Variants in ALKAL1 observed in about 807,000 individuals in gnomAD.
ALKAL1 encodes ALK and LTK ligand 1, also known as AUG-beta.
ALKAL1 carries 23 observed loss-of-function variants against 13.5 expected under a neutral mutation model. That is an observed-to-expected ratio of 1.70 (90% CI 1.23 to 2.41). The LOEUF (loss-of-function observed/expected upper bound fraction) is 2.41, where lower values mean the gene tolerates loss of function less well. ALKAL1 is among the 30% of genes most tolerant of loss of function. ALKAL1 has a pLI of 0.00. For missense variants in ALKAL1, 181 were observed against 178.4 expected, an observed-to-expected ratio of 1.01 and a Z score of -0.08; for synonymous variants, 85 against 77.7, an observed-to-expected ratio of 1.09 and a Z score of -0.49.
chr8:52,539,210 T>A (rs1208200368), intron 3 of ALKAL1, among the ~76,000 whole-genome samples: 3 of 152,174 alleles, frequency 2.0e-5, no homozygotes, highest in African/African-American at 7.2e-5. Flanking sequence ...TGCTTAGAAT[T>A]CATGTTCTTT....
intron 2 of ALKAL1, among the ~76,000 whole-genome samples, chr8:52,540,763 A>C (rs779387692): frequency 2.6e-5 from 4 of 151,812 alleles, no homozygotes; most frequent in African/African-American, 4.8e-5. Flanking sequence ...CAACAACAAC[A>C]ACAAAATGTT....
chr8:52,541,839 A>G (rs57023951), intron 2 of ALKAL1, among the ~76,000 whole-genome samples: 1 of 152,138 alleles, frequency 6.6e-6, no homozygotes, highest in Middle Eastern at 3.2e-3. Flanking sequence ...CAAAAAATTT[A>G]TATTGCCCCC....
At chr8:52,547,249 A>G (rs1847378822) in intron 1 of ALKAL1, among the ~76,000 whole-genome samples, 1 of 151,954 alleles carries the variant, frequency 6.6e-6, no homozygotes, top group East Asian at 1.9e-4. Context: ...CATAATTCCA[A>G]CACTTTGGGA....
intron 1 of ALKAL1, among the ~76,000 whole-genome samples, chr8:52,553,393 A>T (rs1350511600): frequency 6.6e-6 from 1 of 152,204 alleles, no homozygotes; most frequent in Non-Finnish European, 1.5e-5. Flanking sequence ...TTCACTGATT[A>T]TAAGAACTTC....
At chr8:52,546,307 G>A (rs1433144605) in intron 1 of ALKAL1, among the ~76,000 whole-genome samples, 1 of 152,214 alleles carries the variant, frequency 6.6e-6, no homozygotes, top group Non-Finnish European at 1.5e-5. Context: ...GCCAGTGGCT[G>A]CTTTTTCACT....
At chr8:52,564,949 C>T in intron 1 of ALKAL1, 118 bp downstream of exon 1, 3 of 736,986 alleles carry the variant, frequency 4.1e-6, no homozygotes, top group Non-Finnish European at 5.6e-6. Context: ...CAGAGATGCT[C>T]TGTTTTCTGC....
chr8:52,562,535 T>C (rs950396320), intron 1 of ALKAL1, among the ~76,000 whole-genome samples: 1 of 152,082 alleles, frequency 6.6e-6, no homozygotes, highest in African/African-American at 2.4e-5. Flanking sequence ...CTCTCCGCAA[T>C]CCTCGGGGCA....
chr8:52,551,956 T>C (rs1009377487), intron 1 of ALKAL1, among the ~76,000 whole-genome samples: 2 of 152,198 alleles, frequency 1.3e-5, no homozygotes, highest in Non-Finnish European at 1.5e-5. Flanking sequence ...TACATTAGTA[T>C]GGCACATTTC....
At position 52,539,871 on chromosome 8, in the gene ALKAL1, G is replaced by T; in HGVS notation, c.285C>A (p.His95Gln). The T allele has an allele frequency of 6.2e-7, 1 of 1,613,616 alleles. No individual in the cohort carries two copies. Among genetic ancestry groups the T allele is most frequent in the Non-Finnish European group, 8.5e-7 (1 of 1,179,854 alleles). The stretch of plus-strand genomic sequence containing the variant: ...ACTCCCTGGTATTGTAATAGAGTCG[G>T]TGGAAATGTTTGCTGCATTCTGGTG... The part of the protein sequence containing the change: ...TFSPECSKHF[H>Q]RLYYNTRECS... Residue 95 changes from histidine (H) to glutamine (Q), a missense_variant, in exon 3 of 5, where the codon CAC becomes CAA. By Grantham distance (24) the His-to-Gln change is conservative (BLOSUM62 0). Coordinates refer to ENST00000358543, the MANE Select transcript of ALKAL1 (RefSeq NM_207413.4).
chr8:52,559,945 A>G (rs984778100), intron 1 of ALKAL1, among the ~76,000 whole-genome samples: 10 of 152,098 alleles, frequency 6.6e-5, no homozygotes, highest in African/African-American at 1.9e-4. Flanking sequence ...TTAAAATTCA[A>G]TTTCTTCTGA....
At chr8:52,560,572 T>C (rs772901399) in intron 1 of ALKAL1, among the ~76,000 whole-genome samples, 1 of 152,154 alleles carries the variant, frequency 6.6e-6, no homozygotes, top group African/African-American at 2.4e-5. Flanking sequence ...AACCAATATG[T>C]GATTGGAAAG....
Position 52,565,181 on chromosome 8 carries a change from G to C in ALKAL1, c.76C>G (p.His26Asp), listed in dbSNP as rs759959488. ...LALALSPHGA[H>D]GRPRGRRGAR... is the part of the protein sequence containing the mutation. ...CCCCTGCGCCCCCGGGGCCTCCCGT[G>C]GGCTCCGTGCGGGGACAAAGCCAGC... is the stretch of plus-strand genomic sequence containing the variant. The change falls in exon 1 of 5, where the codon CAC becomes GAC. Residue 26 changes from histidine to aspartate, a missense_variant. Physicochemically the swap from His to Asp is moderately conservative, Grantham distance 81 (BLOSUM62 -1). Transcript: ENST00000358543. 7.3e-7 allele frequency: 1 copy of C among 1,377,836 alleles called. No homozygotes were observed. The highest frequency in any genetic ancestry group is 1.7e-5 in the South Asian group (1 of 59,674). 85.4% of individuals were successfully genotyped at this position (1,377,836 alleles called of 1,614,324 possible). A position where few individuals can be genotyped will look rare whatever the true frequency, so the allele number is the denominator to read the frequency against.
intron 1 of ALKAL1, among the ~76,000 whole-genome samples, chr8:52,559,420 G>T (rs1319898579): frequency 6.6e-6 from 1 of 152,092 alleles, no homozygotes; most frequent in Non-Finnish European, 1.5e-5. Context: ...GGGGAGGGCA[G>T]ATAGAAACCA....
intron 3 of ALKAL1, among the ~76,000 whole-genome samples, chr8:52,539,030 G>A (rs1007657310): frequency 3.3e-5 from 5 of 152,040 alleles, no homozygotes; most frequent in Non-Finnish European, 5.9e-5. Context: ...GAGCTCAAGC[G>A]ATCCGCTTGC....
intron 1 of ALKAL1, among the ~76,000 whole-genome samples, chr8:52,561,109 G>A (rs1441574137): frequency 6.6e-6 from 1 of 151,974 alleles, no homozygotes; most frequent in Non-Finnish European, 1.5e-5. Context: ...CCCCCTCCCA[G>A]GTGATATGCA....
At chr8:52,546,595 T>C (rs1210987087) in intron 1 of ALKAL1, among the ~76,000 whole-genome samples, 1 of 152,184 alleles carries the variant, frequency 6.6e-6, no homozygotes, top group Non-Finnish European at 1.5e-5. Context: ...TCCTTAAACC[T>C]TTCATAAGCA....
chr8:52,550,441 G>A (rs1487460550), intron 1 of ALKAL1, among the ~76,000 whole-genome samples: 3 of 151,638 alleles, frequency 2.0e-5, no homozygotes, highest in Non-Finnish European at 4.4e-5. Context: ...CAGAGACAGA[G>A]TTGAGTAGTT....
chr8:52,534,871 C>T (rs1331640459), intron 4 of ALKAL1, among the ~76,000 whole-genome samples: 1 of 152,168 alleles, frequency 6.6e-6, no homozygotes, highest in African/African-American at 2.4e-5. Flanking sequence ...GTAAACAACT[C>T]ATTAAATATC....
chr8:52,547,748 G>T (rs1486132220), intron 1 of ALKAL1, among the ~76,000 whole-genome samples: 1 of 152,192 alleles, frequency 6.6e-6, no homozygotes, highest in Non-Finnish European at 1.5e-5. Context: ...AGCACTTTGG[G>T]AGGATGAGGC....
Sources: allele counts gnomAD v4.1 joint callset (sites outside exome capture counted in the v4.1 genomes callset), GRCh38; gene constraint gnomAD v4.1.1; transcripts MANE v1.5; gene names NCBI Gene and HGNC (gene_info 2026-07-23, HGNC 2026-07-21).